TMEM132C: variants seen among roughly 807,000 people sequenced by gnomAD.
The protein encoded by TMEM132C is protein phosphatase 1, regulatory subunit 152.
Under a neutral mutation model 61.4 loss-of-function variants are expected in TMEM132C, and 29 were observed. That is an observed-to-expected ratio of 0.47 (90% CI 0.35 to 0.64). The LOEUF is 0.64. Ranked by LOEUF, TMEM132C falls within the 30% of genes least tolerant of loss-of-function variation. The probability of loss-of-function intolerance (pLI) is 0.00; values close to 1 mark genes in which losing one functional copy is unlikely to be tolerated. For missense variants in TMEM132C, 1,408 were observed against 1,476.9 expected (o/e 0.95, Z 0.76); for synonymous variants, 656 against 633.1 (o/e 1.04, Z -0.54).
chr12:128,413,869 T>C (rs1297410233), intron 1 of TMEM132C, among the ~76,000 whole-genome samples: 2 of 152,186 alleles, frequency 1.3e-5, no homozygotes, highest in African/African-American at 4.8e-5. Context: ...CAGGCAAATT[T>C]ATTATTTTTT....
At chr12:128,360,919 C>T (rs1873689822) in intron 1 of TMEM132C, among the ~76,000 whole-genome samples, 3 of 152,178 alleles carry the variant, frequency 2.0e-5, no homozygotes, top group Admixed American at 2.0e-4. Flanking sequence ...CAAGCTGAGA[C>T]TGTGTCTCAT....
At chr12:128,565,508 G>A (rs981826682) in intron 3 of TMEM132C, among the ~76,000 whole-genome samples, 2 of 152,208 alleles carry the variant, frequency 1.3e-5, no homozygotes, top group African/African-American at 4.8e-5. Context: ...TTAAAAAATA[G>A]TCAATAGGAA....
At chr12:128,290,507 G>A (rs538554427) in intron 1 of TMEM132C, among the ~76,000 whole-genome samples, 1 of 152,148 alleles carries the variant, frequency 6.6e-6, no homozygotes, top group East Asian at 1.9e-4. Context: ...GATTTGGGTG[G>A]GGACACAGAG....
At chr12:128,583,089 G>C (rs1314657362) in intron 3 of TMEM132C, among the ~76,000 whole-genome samples, 1 of 152,204 alleles carries the variant, frequency 6.6e-6, no homozygotes, top group African/African-American at 2.4e-5. Flanking sequence ...TTATTTATAA[G>C]AGAAAAACAC....
intron 3 of TMEM132C, among the ~76,000 whole-genome samples, chr12:128,572,452 A>C (rs770946212): frequency 8.9e-4 from 105 of 117,576 alleles, no homozygotes; most frequent in East Asian, 2.7e-3. Flanking sequence ...GGGTCGCATG[A>C]CCACTGTGGC....
At chr12:128,582,523 A>G (rs1429868507) in intron 3 of TMEM132C, among the ~76,000 whole-genome samples, 2 of 149,042 alleles carry the variant, frequency 1.3e-5, no homozygotes, top group Non-Finnish European at 3.0e-5. Context: ...CATAATTCCC[A>G]TGTGTTGTGG....
chr12:128,395,205 G>A (rs1035662515), intron 1 of TMEM132C, among the ~76,000 whole-genome samples: 4 of 149,954 alleles, frequency 2.7e-5, no homozygotes, highest in African/African-American at 9.7e-5. Flanking sequence ...TAAATATATA[G>A]TTCATTCATT....
intron 1 of TMEM132C, among the ~76,000 whole-genome samples, chr12:128,270,790 T>C (rs75799761): frequency 0.041 from 6,278 of 152,278 alleles, 338 homozygotes; most frequent in African/African-American, 0.12. Context: ...TTAGTAGTTA[T>C]TGCAACTTCT....
At chr12:128,313,429 T>G (rs140066675) in intron 1 of TMEM132C, among the ~76,000 whole-genome samples, 3 of 152,282 alleles carry the variant, frequency 2.0e-5, no homozygotes, top group Non-Finnish European at 4.4e-5. Flanking sequence ...GCCACCACCC[T>G]GAGGCAGACC....
intron 3 of TMEM132C, among the ~76,000 whole-genome samples, chr12:128,554,423 T>C (rs1266063742): frequency 6.6e-6 from 1 of 152,258 alleles, no homozygotes; most frequent in Non-Finnish European, 1.5e-5. Flanking sequence ...TCTGGATTTT[T>C]CTAGACCTGC....
chr12:128,676,995 C>A (rs1954595146), intron 5 of TMEM132C, among the ~76,000 whole-genome samples: 1 of 152,172 alleles, frequency 6.6e-6, no homozygotes, highest in South Asian at 2.1e-4. Context: ...AGGAGCAGCA[C>A]CTAGAGAAGG....
chr12:128,496,331 G>C (rs1871957186), intron 2 of TMEM132C, among the ~76,000 whole-genome samples: 1 of 152,050 alleles, frequency 6.6e-6, no homozygotes. Flanking sequence ...TCTTCTCCAG[G>C]AGTATCTTTG....
At chr12:128,321,840 G>GA (rs1278333015) in intron 1 of TMEM132C, among the ~76,000 whole-genome samples, 1 of 152,156 alleles carries the variant, frequency 6.6e-6, no homozygotes. Flanking sequence ...GTTCAAGAAA[G>GA]ACATTCTCGG....
intron 1 of TMEM132C, among the ~76,000 whole-genome samples, chr12:128,403,177 C>CAG (rs1372851631): frequency 6.6e-6 from 1 of 152,130 alleles, no homozygotes; most frequent in Non-Finnish European, 1.5e-5. Context: ...CCATATTTAG[C>CAG]AGAGAGAGAG....
chr12:128,362,414 G>A lies in TMEM132C; in HGVS notation c.86-52318G>A, dbSNP rs534746032. 6.8e-4 allele frequency among the ~76,000 whole-genome samples: 103 copies of A among 152,258 alleles called. 1 individual carries two copies. Among genetic ancestry groups the A allele is most frequent in the Non-Finnish European group, 1.2e-3 (85 of 68,026 alleles). ...AAAGGTAGATGTTTTCATCTCAAGC[G>A]AAGATTCATTAATGGTGTGAGTTGC... On this transcript the variant is annotated intron_variant, in intron 1 of 8. Coordinates refer to ENST00000435159, the MANE Select transcript of TMEM132C (RefSeq NM_001136103.3).
chr12:128,485,500 C>A (rs1166677543), intron 2 of TMEM132C, among the ~76,000 whole-genome samples: 2 of 152,126 alleles, frequency 1.3e-5, no homozygotes, highest in African/African-American at 4.8e-5. Context: ...TTAAGTGGTT[C>A]TTAATTTGGA....
At chr12:128,637,938 C>G (rs1243175932) in intron 4 of TMEM132C, among the ~76,000 whole-genome samples, 2 of 152,174 alleles carry the variant, frequency 1.3e-5, no homozygotes, top group African/African-American at 4.8e-5. Context: ...AAGAAAATGT[C>G]AGCCATAATT....
chr12:128,383,986 G>A (rs557855456), intron 1 of TMEM132C, among the ~76,000 whole-genome samples: 75 of 152,232 alleles, frequency 4.9e-4, no homozygotes, highest in Non-Finnish European at 9.3e-4. Context: ...CAAAGGGTGC[G>A]TTTTAGCTAA....
intron 2 of TMEM132C, among the ~76,000 whole-genome samples, chr12:128,502,804 C>T (rs1872226628): frequency 6.6e-6 from 1 of 152,328 alleles, no homozygotes; most frequent in South Asian, 2.1e-4. Context: ...AATGTGCCTA[C>T]CCTAAGACCC....
Sources: allele counts gnomAD v4.1 joint callset (sites outside exome capture counted in the v4.1 genomes callset), GRCh38; gene constraint gnomAD v4.1.1; transcripts MANE v1.5; gene names NCBI Gene and HGNC (gene_info 2026-07-23, HGNC 2026-07-21).